DNMT3L: variants seen among roughly 807,000 people sequenced by gnomAD.
DNMT3L encodes DNA (cytosine-5)-methyltransferase 3-like.
In DNMT3L, 33 loss-of-function variants were observed where a neutral mutation model predicts 36.2. That is an observed-to-expected ratio of 0.91 (90% CI 0.69 to 1.22). The LOEUF is 1.22. DNMT3L is among the 50% of genes most tolerant of loss of function. The pLI, the probability that DNMT3L is intolerant of heterozygous loss-of-function variation, is 0.00. For synonymous variants in DNMT3L, 117 were observed against 121.7 expected, an observed-to-expected ratio of 0.96 and a Z score of 0.26; for missense variants, 310 against 303.1, an observed-to-expected ratio of 1.02 and a Z score of -0.17.
chr21:44,260,018 C>T (rs2040302093), intron 3 of DNMT3L, among the ~76,000 whole-genome samples: 1 of 137,524 alleles, frequency 7.3e-6, no homozygotes. Context: ...CTCTGCACTC[C>T]AGCCTGGGGG....
intron 4 of DNMT3L, 35 bp from the exon 5 acceptor site, chr21:44,259,584 TC>T: frequency 6.2e-7 from 1 of 1,613,394 alleles, no homozygotes. Context: ...GCTTGTGTCA[TC>T]CCTGCTCTGA....
chr21:44,261,236 G>T lies in DNMT3L; in HGVS notation c.24C>A (p.Asp8Glu), dbSNP rs969077464. Residue 8 changes from aspartate (D) to glutamate (E), a missense_variant, in exon 2 of 12, where the codon GAC becomes GAA. By Grantham distance (45) the Asp-to-Glu change is conservative. Coordinates refer to ENST00000628202, the MANE Select transcript of DNMT3L (RefSeq NM_175867.3). ...CGTCCATGCTGGGCTCGGCCTCTGG[G>T]TCCAGGGCTGGGATGGCCGCCATGG... MAAIPAL[D>E]PEAEPSMDVI... 1 of 1,612,620 alleles carries T rather than the reference G, an allele frequency of 6.2e-7. No homozygotes were observed. The highest frequency in any genetic ancestry group is 8.5e-7 in the Non-Finnish European group (1 of 1,179,876).
chr21:44,260,853 TAAG>T lies in DNMT3L; in HGVS notation c.107-17_107-15del. 1 of 1,613,086 alleles carries T rather than the reference TAAG, an allele frequency of 6.2e-7. No individual in the cohort carries two copies. The highest frequency in any genetic ancestry group is 8.5e-7 in the Non-Finnish European group (1 of 1,179,914). The stretch of plus-strand genomic sequence containing the variant: ...ATGCAATAAGATCTGGAAAGGAAGA[TAAG>T]AAGTAGCCCCTTTCTTCTTCCTCTG... On this transcript the variant is annotated splice_polypyrimidine_tract_variant and intron_variant, in intron 2 of 11. Transcript: ENST00000628202.
At chr21:44,255,405 C>T (rs375497416) in intron 7 of DNMT3L, among the ~76,000 whole-genome samples, 2 of 151,624 alleles carry the variant, frequency 1.3e-5, no homozygotes, top group Admixed American at 6.6e-5. Context: ...CCTGTAATCC[C>T]AGCTGCTCGG....
rs2040288034 is a variant in DNMT3L, at chr21:44,258,788, GAA to G, written c.345-96_345-95del. On this transcript the variant is annotated intron_variant, in intron 5 of 11. Transcript: ENST00000628202. This position sits in a 1 kb window ranked among gnomAD's most constrained non-coding sequence, Gnocchi z 6.2. ...GCCTGATTGAGCCTTGTTTTGGAGGGAAAAGTCACGCTGGAGCTCCCTTTGGG... is the reference window on the plus strand; with the variant it reads ...GCCTGATTGAGCCTTGTTTTGGAGGGAAGTCACGCTGGAGCTCCCTTTGGG... The G allele has an allele frequency of 6.7e-7, 1 of 1,487,232 alleles. No individual in the cohort carries two copies. The highest frequency in any genetic ancestry group is 2.2e-5 in the Admixed American group (1 of 44,556). The allele number at this position is 1,487,232 out of a possible 1,614,324, so 92.1% of individuals were successfully genotyped here. A position where few individuals can be genotyped will look rare whatever the true frequency, so the allele number is the denominator to read the frequency against.
chr21:44,260,954 C>A, intron 2 of DNMT3L, 115 bp from the exon 3 acceptor site: 1 of 1,496,688 alleles, frequency 6.7e-7, no homozygotes. Flanking sequence ...GCCTGAGGTC[C>A]CCTGCCATCC....
In DNMT3L at chr21:44,254,491, G is replaced by A. The variant is rs948764813; in HGVS notation, c.693+126C>T. ...CCCACCAGGCTGCCGAGAGGCCCCC[G>A]TGTGTTCAGGACTCCTCCCAGCCCC... is the stretch of plus-strand genomic sequence containing the variant. On this transcript the variant is annotated intron_variant, in intron 8 of 11. Coordinates refer to ENST00000628202, the MANE Select transcript of DNMT3L (RefSeq NM_175867.3). The A allele has an allele frequency of 7.8e-6, 8 of 1,019,804 alleles. No individual in the cohort carries two copies. In the Admixed American group the frequency reaches 1.4e-4, roughly 17 times the overall value. The allele number at this position is 1,019,804 out of a possible 1,614,324, so 63.2% of individuals were successfully genotyped here.
intron 8 of DNMT3L, among the ~76,000 whole-genome samples, chr21:44,254,245 T>A (rs1298075023): frequency 6.6e-6 from 1 of 152,212 alleles, no homozygotes; most frequent in African/African-American, 2.4e-5. Flanking sequence ...GTTCAGCCCC[T>A]CCTTGCCGGA....
rs2040243415 is a variant in DNMT3L at position 44,254,650 on chromosome 21, A to G, written c.660T>C (p.His220=). The change falls in exon 8 of 12, where the codon CAT becomes CAC. Residue 220 remains histidine, a synonymous_variant. Transcript: ENST00000628202. ...ESGSDPGQLK[H]VVDVTDTVRK... ...TCACTGTGTCTGTGACATCAACCAC[A>G]TGCTTCAGTTGTCCCGGGTCAGAAC... 2 of 1,613,946 alleles carry G rather than the reference A, an allele frequency of 1.2e-6. No homozygotes were observed. The highest frequency in any genetic ancestry group is 2.2e-5 in the East Asian group (1 of 44,868).
chr21:44,255,872 G>T (rs1031077624), intron 7 of DNMT3L, among the ~76,000 whole-genome samples, 195 bp downstream of exon 7: 2 of 152,148 alleles, frequency 1.3e-5, no homozygotes, highest in Admixed American at 1.3e-4. Flanking sequence ...TGTGCCTGCG[G>T]GGCCCAGAAG....
intron 7 of DNMT3L, among the ~76,000 whole-genome samples, 173 bp downstream of exon 7, chr21:44,255,894 T>C (rs1353797752): frequency 6.6e-6 from 1 of 151,796 alleles, no homozygotes; most frequent in Non-Finnish European, 1.5e-5. Context: ...CAAGTGCCAT[T>C]TCCAAAGGCC....
At chr21:44,261,345 A>G in intron 1 of DNMT3L, 79 bp from the exon 2 acceptor site, 3 of 1,393,694 alleles carry the variant, frequency 2.2e-6, no homozygotes, top group Non-Finnish European at 2.0e-6. Flanking sequence ...CAGCACGGGA[A>G]GCAGCTTGCT....
In DNMT3L at chr21:44,261,159, C is replaced by T; in HGVS notation, c.101G>A (p.Gly34Asp). 1 of 1,612,656 alleles carries T rather than the reference C, an allele frequency of 6.2e-7. No homozygotes were observed. Among genetic ancestry groups the T allele is most frequent in the Non-Finnish European group, 8.5e-7 (1 of 1,179,870 alleles). ...ELSSSVSPGT[G>D]RDLIAYEVKA... Reference sequence around the variant, plus strand: ...ATAAGCAGATGAGCCCTCACCTCTGCCTGTCCCGGGTGAAACGGAGCTTGA... The same window carrying T: ...ATAAGCAGATGAGCCCTCACCTCTGTCTGTCCCGGGTGAAACGGAGCTTGA... Residue 34 changes from glycine to aspartate, a missense_variant, in exon 2 of 12, where the codon GGC (glycine) becomes GAC (aspartate). Coordinates refer to ENST00000628202, the MANE Select transcript of DNMT3L (RefSeq NM_175867.3).
intron 6 of DNMT3L, among the ~76,000 whole-genome samples, chr21:44,257,637 C>T (rs12482213): frequency 0.27 from 38,312 of 144,496 alleles, 5,263 homozygotes; most frequent in Admixed American, 0.36. Context: ...GCCGAGATCC[C>T]GCCACTGCAC....
intron 7 of DNMT3L, among the ~76,000 whole-genome samples, chr21:44,255,238 C>T (rs1415644937): frequency 4.6e-5 from 7 of 152,014 alleles, no homozygotes; most frequent in Admixed American, 6.6e-5. Context: ...ATGTCAAGCA[C>T]GGCCGGGCAC....
In DNMT3L at chr21:44,259,612, C is replaced by T. The variant is rs761961809; in HGVS notation, c.231+20G>A. 6.2e-7 allele frequency: 1 copy of T among 1,613,104 alleles called. No individual in the cohort carries two copies. The highest frequency in any genetic ancestry group is 2.2e-5 in the East Asian group (1 of 44,878). On this transcript the variant is annotated intron_variant, in intron 4 of 11. Transcript: ENST00000628202. ...CTGCTCTGAGGCCATGAGGGAGTCA[C>T]CCCCAGCCTCCCTGCCTACCTTACA...
intron 6 of DNMT3L, among the ~76,000 whole-genome samples, chr21:44,256,472 G>A (rs1006414956): frequency 1.4e-5 from 2 of 142,352 alleles, no homozygotes; most frequent in African/African-American, 5.4e-5. Context: ...CACCCAGGCT[G>A]GAGTGCAATG....
chr21:44,254,473 G>T, intron 8 of DNMT3L, 144 bp downstream of exon 8: 1 of 859,524 alleles, frequency 1.2e-6, no homozygotes, highest in Non-Finnish European at 1.7e-6. Flanking sequence ...ATCCCCACCA[G>T]GCTGCCGAGA....
intron 6 of DNMT3L, among the ~76,000 whole-genome samples, chr21:44,257,975 C>T (rs2040278130): frequency 6.6e-6 from 1 of 152,248 alleles, no homozygotes. Context: ...TACAGTGACA[C>T]TAGTCGCTGC....
Sources: gnomAD v4.1 joint callset for allele counts (sites outside exome capture counted in the v4.1 genomes callset) on GRCh38, gnomAD v4.1.1 for gene constraint, Gnocchi (gnomAD v3.1) non-coding constraint, MANE v1.5 for transcripts, NCBI Gene and HGNC (gene_info 2026-07-23, HGNC 2026-07-21) for gene names.